Variants in FANCL observed in about 807,000 individuals in gnomAD.
FANCL encodes the protein E3 ubiquitin-protein ligase FANCL.
In FANCL, 69 loss-of-function variants were observed where a neutral mutation model predicts 59.4. That is an observed-to-expected ratio of 1.16 (90% confidence interval 0.96 to 1.42). FANCL has a LOEUF of 1.42. FANCL is among the 40% of genes most tolerant of loss of function. The pLI is 0.00. For synonymous variants in FANCL, 180 were observed against 147.1 expected (o/e 1.22, Z -1.62); for missense variants, 519 against 447.2 (o/e 1.16, Z -1.45).
At chr2:58,196,218 T>C (rs1213581920) in intron 7 of FANCL, among the ~76,000 whole-genome samples, 2 of 151,898 alleles carry the variant, frequency 1.3e-5, no homozygotes, top group African/African-American at 4.8e-5. Context: ...AGTTACTACT[T>C]AAAGGGAGAG....
At chr2:58,197,391 G>A (rs556042769) in intron 7 of FANCL, among the ~76,000 whole-genome samples, 11 of 151,840 alleles carry the variant, frequency 7.2e-5, no homozygotes, top group Non-Finnish European at 1.0e-4. Flanking sequence ...CTCCATTTAC[G>A]GAATATTTGT....
intron 5 of FANCL, among the ~76,000 whole-genome samples, chr2:58,204,512 C>A (rs985966626): frequency 6.6e-6 from 1 of 152,040 alleles, no homozygotes; most frequent in Non-Finnish European, 1.5e-5. Flanking sequence ...ATCACTGGAA[C>A]CTTTGGCACA....
At chr2:58,207,423 A>C (rs886289538) in intron 5 of FANCL, among the ~76,000 whole-genome samples, 1 of 152,206 alleles carries the variant, frequency 6.6e-6, no homozygotes, top group East Asian at 1.9e-4. Flanking sequence ...CAATAGCCAC[A>C]CATGGCTACT....
intron 3 of FANCL, among the ~76,000 whole-genome samples, chr2:58,228,717 T>A (rs1693276639): frequency 6.6e-6 from 1 of 152,214 alleles, no homozygotes; most frequent in East Asian, 1.9e-4. Flanking sequence ...ATAGTAATAT[T>A]CACTGGGACT....
intron 5 of FANCL, among the ~76,000 whole-genome samples, chr2:58,210,229 A>C (rs569033812): frequency 1.3e-5 from 2 of 152,344 alleles, no homozygotes; most frequent in African/African-American, 4.8e-5. Context: ...AAAAAGGCTT[A>C]ATTGGACTCA....
Position 58,221,957 on chromosome 2 carries a change from G to A in FANCL, c.359C>T (p.Thr120Ile). 6.2e-7 allele frequency: 1 copy of A among 1,610,590 alleles called. No homozygotes were observed. The highest frequency in any genetic ancestry group is 2.2e-5 in the East Asian group (1 of 44,778). Residue 120 changes from threonine to isoleucine, a missense_variant, in exon 5 of 14, where the codon ACT (threonine) becomes ATT (isoleucine). Physicochemically the swap from Thr to Ile is moderately conservative, Grantham distance 89. Transcript: ENST00000233741. ...FYSSLIEEIG[T>I]LGWDKLVYAD... is the part of the protein sequence containing the mutation. ...ACAGACATACTTATCCCAACCAAGAGTTCCTATCTCTTCAATAAGGCTTGA... is the reference window on the plus strand; with the variant it reads ...ACAGACATACTTATCCCAACCAAGAATTCCTATCTCTTCAATAAGGCTTGA...
At chr2:58,194,913 G>C (rs1467095638) in intron 7 of FANCL, among the ~76,000 whole-genome samples, 1 of 140,220 alleles carries the variant, frequency 7.1e-6, no homozygotes, top group African/African-American at 3.0e-5. Context: ...ACAAAGCCAT[G>C]TCTATTATAT....
chr2:58,175,594 C>A (rs1687211839), intron 7 of FANCL, among the ~76,000 whole-genome samples: 1 of 152,044 alleles, frequency 6.6e-6, no homozygotes. Context: ...ACGCTTCATG[C>A]TAAAAACTCT....
chr2:58,233,748 T>A (rs80184716), intron 1 of FANCL, among the ~76,000 whole-genome samples: 1 of 151,370 alleles, frequency 6.6e-6, no homozygotes, highest in African/African-American at 2.4e-5. Context: ...TAAAAAAAAA[T>A]AGTAACAAGC....
intron 13 of FANCL, 42 bp from the exon 14 acceptor site, chr2:58,159,842 C>CT (rs1684829732): frequency 1.0e-5 from 16 of 1,607,810 alleles, no homozygotes; most frequent in Non-Finnish European, 1.3e-5. Flanking sequence ...TGTGGACACT[C>CT]TAAAAAATAA....
At chr2:58,204,986 G>T (rs1690445260) in intron 5 of FANCL, among the ~76,000 whole-genome samples, 2 of 151,910 alleles carry the variant, frequency 1.3e-5, no homozygotes, top group South Asian at 2.1e-4. Context: ...TGCCAAAAAG[G>T]TTCAAATTTA....
At chr2:58,192,514 C>A (rs848279) in intron 7 of FANCL, among the ~76,000 whole-genome samples, 108,664 of 151,740 alleles carry the variant, frequency 0.72, 40,021 homozygotes, top group African/African-American at 0.9. Flanking sequence ...AATTAATCAC[C>A]GTTAACCACA....
chr2:58,210,012 C>T (rs992660881), intron 5 of FANCL, among the ~76,000 whole-genome samples: 1 of 152,156 alleles, frequency 6.6e-6, no homozygotes, highest in Non-Finnish European at 1.5e-5. Flanking sequence ...AAAAGTTCAA[C>T]TAGTTGAAGT....
intron 4 of FANCL, 97 bp from the exon 5 acceptor site, chr2:58,222,139 C>A: frequency 2.4e-6 from 2 of 837,324 alleles, no homozygotes; most frequent in African/African-American, 1.7e-5. Flanking sequence ...CTTCTTAGTG[C>A]CTAATAAAAG....
At position 58,226,767 on chromosome 2, in the gene FANCL, AGGAGAGTGCT is replaced by A; in HGVS notation, c.224_233del (p.Gln75LeufsTer3). ...ACTCCATCATAAAGCTCATTAGATCAGGAGAGTGCTGCATTCTCTAGATCAAAATATTTCC... is the reference window on the plus strand; with the variant it reads ...ACTCCATCATAAAGCTCATTAGATCAGCATTCTCTAGATCAAAATATTTCC... On this transcript the variant is annotated frameshift_variant, in exon 4 of 14. Coordinates refer to ENST00000233741, the MANE Select transcript of FANCL (RefSeq NM_018062.4). LOFTEE classifies it high-confidence loss of function. 1 of 1,613,522 alleles carries A rather than the reference AGGAGAGTGCT, an allele frequency of 6.2e-7. No individual in the cohort carries two copies. Among genetic ancestry groups the A allele is most frequent in the South Asian group, 1.1e-5 (1 of 91,002 alleles).
rs534634111 is a variant in FANCL at position 58,241,087 on chromosome 2, G to C, written c.96+131C>G. 1.1e-3 allele frequency: 1,015 copies of C among 915,486 alleles called. 2 individuals are homozygous for C. The highest frequency in any genetic ancestry group is 1.5e-3 in the Non-Finnish European group (846 of 577,336). 56.7% of individuals were successfully genotyped at this position (915,486 alleles called of 1,614,324 possible). A position where few individuals can be genotyped will look rare whatever the true frequency, so the allele number is the denominator to read the frequency against. ...GCTTCTCAAACCTTTAGTCTCCCAA[G>C]AGCCGTTACGCGCCGCCCCTCTCAA... is the stretch of plus-strand genomic sequence containing the variant. On this transcript the variant is annotated intron_variant, in intron 1 of 13. Transcript: ENST00000233741.
intron 3 of FANCL, among the ~76,000 whole-genome samples, chr2:58,227,036 C>T (rs1031988482): frequency 1.3e-5 from 2 of 152,204 alleles, no homozygotes; most frequent in Admixed American, 6.5e-5. Context: ...CTTAAAACCT[C>T]ACACTACTCT....
chr2:58,172,207 C>G (rs1037189876), intron 7 of FANCL, among the ~76,000 whole-genome samples: 1 of 152,236 alleles, frequency 6.6e-6, no homozygotes, highest in Non-Finnish European at 1.5e-5. Flanking sequence ...GTAACCTCTG[C>G]AGACTTAAAT....
chr2:58,176,773 G>A (rs1314486370), intron 7 of FANCL, among the ~76,000 whole-genome samples: 1 of 152,100 alleles, frequency 6.6e-6, no homozygotes, highest in Non-Finnish European at 1.5e-5. Context: ...AGCCAAAATT[G>A]ACAAATGGGA....
Sources: gnomAD v4.1 joint callset for allele counts (sites outside exome capture counted in the v4.1 genomes callset) on GRCh38, gnomAD v4.1.1 for gene constraint, MANE v1.5 for transcripts, NCBI Gene and HGNC (gene_info 2026-07-23, HGNC 2026-07-21) for gene names.